Variants in MOB1B observed in about 807,000 individuals in gnomAD.
MOB1B encodes MOB kinase activator 1B, also known as MOB1 Mps One Binder homolog B.
In MOB1B, 19 loss-of-function variants were observed where a neutral mutation model predicts 24.4. The ratio of observed to expected loss-of-function variants is 0.78; its 90% confidence interval spans 0.54 to 1.14. The LOEUF (loss-of-function observed/expected upper bound fraction) is 1.14, where lower values mean the gene tolerates loss of function less well. Ranked by LOEUF, MOB1B falls within the 50% of genes most tolerant of loss-of-function variation. The probability of loss-of-function intolerance (pLI) is 0.00; values close to 1 mark genes in which losing one functional copy is unlikely to be tolerated. For synonymous variants in MOB1B, 76 were observed against 82.1 expected (o/e 0.93, Z 0.40); for missense variants, 243 against 259.6 (o/e 0.94, Z 0.44).
In MOB1B at chr4:70,975,403, T is replaced by A. The variant is rs548544105; in HGVS notation, c.409+117T>A. On this transcript the variant is annotated intron_variant, in intron 4 of 5. Coordinates refer to ENST00000309395, the MANE Select transcript of MOB1B (RefSeq NM_173468.4). ...AGAGTTCTTTATGGCTGTGTTGATA[T>A]ATGTATATGTTACGCAGTTCCCAAG... The A allele has an allele frequency of 2.7e-6, 4 of 1,467,476 alleles. No homozygotes were observed. The South Asian group carries it at 6.0e-5, about 22-fold the overall frequency. 90.9% of individuals were successfully genotyped at this position (1,467,476 alleles called of 1,614,324 possible).
At chr4:70,909,452 A>G (rs1484056602) in intron 1 of MOB1B, among the ~76,000 whole-genome samples, 1 of 152,122 alleles carries the variant, frequency 6.6e-6, no homozygotes, top group Admixed American at 6.6e-5. Flanking sequence ...ATAGTGAGCT[A>G]TGCTTGTGCC....
intron 1 of MOB1B, among the ~76,000 whole-genome samples, chr4:70,906,373 T>C (rs1003947248): frequency 6.6e-6 from 1 of 151,908 alleles, no homozygotes; most frequent in African/African-American, 2.4e-5. Context: ...TGAGACCGTC[T>C]CAAAAAAAGA....
intron 1 of MOB1B, among the ~76,000 whole-genome samples, chr4:70,916,344 G>C (rs77226550): frequency 6.6e-6 from 1 of 152,184 alleles, no homozygotes; most frequent in African/African-American, 2.4e-5. Context: ...GTTGAAGAGA[G>C]ACCATATGAC....
Position 70,986,555 on chromosome 4 carries a change from A to G in MOB1B, c.*4498A>G, listed in dbSNP as rs1739388042. The G allele has an allele frequency of 6.6e-6, 1 of 152,148 alleles. No individual in the cohort carries two copies. The allele number at this position is 152,148 out of a possible 1,614,324, so 9.4% of individuals were successfully genotyped here. A position where few individuals can be genotyped will look rare whatever the true frequency, so the allele number is the denominator to read the frequency against. On this transcript the variant is annotated 3_prime_UTR_variant, in exon 6 of 6. Coordinates refer to ENST00000309395, the MANE Select transcript of MOB1B (RefSeq NM_173468.4). ...ATTTATCTGGGATATTAAAGAATCT[A>G]CCAATTCTTAAAAACACAGATTTAT...
chr4:70,929,745 A>G (rs1270916426), intron 1 of MOB1B, among the ~76,000 whole-genome samples: 1 of 150,380 alleles, frequency 6.6e-6, no homozygotes, highest in Non-Finnish European at 1.5e-5. Context: ...TCCTGGGTTT[A>G]CGCCATTCTC....
At chr4:70,907,437 T>A (rs1440174095) in intron 1 of MOB1B, among the ~76,000 whole-genome samples, 3 of 151,964 alleles carry the variant, frequency 2.0e-5, no homozygotes, top group Non-Finnish European at 4.4e-5. Flanking sequence ...AAAAAAAAAA[T>A]TTGACTTGGA....
chr4:70,952,760 G>A (rs1026238839), intron 1 of MOB1B, among the ~76,000 whole-genome samples: 1 of 151,408 alleles, frequency 6.6e-6, no homozygotes, highest in African/African-American at 2.4e-5. Context: ...CATACTTTAT[G>A]TTTTTGAAAA....
At chr4:70,945,451 G>A (rs1737535149) in intron 1 of MOB1B, among the ~76,000 whole-genome samples, 1 of 152,170 alleles carries the variant, frequency 6.6e-6, no homozygotes, top group South Asian at 2.1e-4. Flanking sequence ...TTGTGCTACT[G>A]AAATGTTAGT....
intron 1 of MOB1B, among the ~76,000 whole-genome samples, chr4:70,935,074 A>G (rs1471610963): frequency 1.3e-5 from 2 of 152,152 alleles, no homozygotes; most frequent in Non-Finnish European, 2.9e-5. Flanking sequence ...GGTGCAGTGC[A>G]TGCCAGTATG....
chr4:70,905,227 G>C (rs1473191528), intron 1 of MOB1B, among the ~76,000 whole-genome samples: 1 of 151,606 alleles, frequency 6.6e-6, no homozygotes, highest in Non-Finnish European at 1.5e-5. Context: ...TGGTATAACT[G>C]TCTGAATACT....
intron 1 of MOB1B, chr4:70,950,886 GTAT>G (rs1163464168): frequency 1.2e-6 from 1 of 833,856 alleles, no homozygotes; most frequent in South Asian, 1.4e-5. Flanking sequence ...AGTAAGGTAG[GTAT>G]TATTATCTCC....
rs375525154 is a variant in MOB1B, at chr4:70,958,873, G to A, written c.15-1G>A. ...CCTTTTTTTTTCTTTTCTATTCATA[G>A]TGGTAGTCGCTCTTCTAAAACTTTT... On this transcript the variant is annotated splice_acceptor_variant, in intron 1 of 5. Transcript: ENST00000309395. LOFTEE classifies it high-confidence loss of function. 1.2e-6 allele frequency: 2 copies of A among 1,604,744 alleles called. No individual in the cohort carries two copies. Among genetic ancestry groups the A allele is most frequent in the Non-Finnish European group, 1.7e-6 (2 of 1,177,146 alleles).
rs188544167 is a variant in MOB1B, at chr4:70,934,604, C to T, written c.15-24270C>T. Among the ~76,000 whole-genome samples the T allele has an allele frequency of 1.6e-3, 246 of 151,348 alleles. 1 individual carries two copies. Among genetic ancestry groups the T allele is most frequent in the African/African-American group, 5.6e-3 (230 of 41,244 alleles). On this transcript the variant is annotated intron_variant, in intron 1 of 5. Coordinates refer to ENST00000309395, the MANE Select transcript of MOB1B (RefSeq NM_173468.4). ...GAGTAGCTGGGATTACAGGCGACTGCCACCATGCTTGGCTAATTTTTTTGT... is the reference window on the plus strand; with the variant it reads ...GAGTAGCTGGGATTACAGGCGACTGTCACCATGCTTGGCTAATTTTTTTGT...
intron 1 of MOB1B, chr4:70,950,605 G>A (rs1257317768): frequency 3.9e-5 from 21 of 545,030 alleles, no homozygotes; most frequent in Non-Finnish European, 6.7e-5. Context: ...GAGTTACTAG[G>A]ATTAAATGAG....
intron 1 of MOB1B, among the ~76,000 whole-genome samples, chr4:70,922,141 C>T (rs948436748): frequency 1.8e-4 from 27 of 152,196 alleles, no homozygotes; most frequent in African/African-American, 6.5e-4. Flanking sequence ...TAACCTAAAA[C>T]TTTAGTGAAA....
intron 3 of MOB1B, among the ~76,000 whole-genome samples, chr4:70,970,720 A>G (rs945871508): frequency 2.6e-5 from 4 of 152,206 alleles, no homozygotes; most frequent in African/African-American, 9.6e-5. Flanking sequence ...GTCAACATTC[A>G]TTATAAGAAT....
At chr4:70,907,153 G>A (rs781635204) in intron 1 of MOB1B, among the ~76,000 whole-genome samples, 1 of 152,146 alleles carries the variant, frequency 6.6e-6, no homozygotes, top group African/African-American at 2.4e-5. Context: ...GAGCTAGCAG[G>A]GGTCTATTAG....
chr4:70,916,079 A>G (rs1308243065), intron 1 of MOB1B, among the ~76,000 whole-genome samples: 2 of 152,198 alleles, frequency 1.3e-5, no homozygotes, highest in African/African-American at 2.4e-5. Context: ...CTTAGCATGA[A>G]CGACTCCATT....
chr4:70,906,092 C>T (rs960433566), intron 1 of MOB1B, among the ~76,000 whole-genome samples: 3 of 149,726 alleles, frequency 2.0e-5, no homozygotes, highest in African/African-American at 7.4e-5. Context: ...AAAAAAAGGC[C>T]GGTCGCGGGG....
Sources: gnomAD v4.1 joint callset for allele counts (sites outside exome capture counted in the v4.1 genomes callset) on GRCh38, gnomAD v4.1.1 for gene constraint, MANE v1.5 for transcripts, NCBI Gene and HGNC (gene_info 2026-07-23, HGNC 2026-07-21) for gene names.